Variants in CACNA1E observed in about 807,000 individuals in gnomAD.
The protein encoded by CACNA1E is calcium voltage-gated channel subunit alpha1 E, also known as voltage-dependent R-type calcium channel subunit alpha-1E.
Under a neutral mutation model 259.2 loss-of-function variants are expected in CACNA1E, and 40 were observed. That is an observed-to-expected ratio of 0.15 (90% CI 0.12 to 0.20). The LOEUF is 0.20. CACNA1E is among the 10% of genes least tolerant of loss of function. The pLI, the probability that CACNA1E is intolerant of heterozygous loss-of-function variation, is 1.00. For synonymous variants in CACNA1E, 1,104 were observed against 1,138.5 expected, an observed-to-expected ratio of 0.97 and a Z score of 0.61; for missense variants, 1,874 against 3,040.1, an observed-to-expected ratio of 0.62 and a Z score of 9.02.
intron 3 of CACNA1E, among the ~76,000 whole-genome samples, chr1:181,533,600 A>C (rs1342663590): frequency 4.3e-5 from 6 of 140,890 alleles, no homozygotes; most frequent in Admixed American, 2.9e-4. Context: ...ATTTCATATG[A>C]ATTAGAACTA....
Position 181,539,387 on chromosome 1 carries a change from T to TG in CACNA1E, c.512+27877_512+27878insG, listed in dbSNP as rs1274540644. Reference sequence around the variant, plus strand: ...ACAGATAATGACTGAACAAGCTAATTAATGAATTAATGAATGAATGAATGG... The same window carrying TG: ...ACAGATAATGACTGAACAAGCTAATTGAATGAATTAATGAATGAATGAATGG... On this transcript the variant is annotated intron_variant, in intron 3 of 47. Coordinates refer to ENST00000367573, the MANE Select transcript of CACNA1E (RefSeq NM_001205293.3). 1.2e-4 allele frequency among the ~76,000 whole-genome samples: 18 copies of TG among 151,938 alleles called. No individual in the cohort carries two copies. In the East Asian group the frequency reaches 1.5e-3, roughly 13 times the overall value.
rs962044730 is a variant in CACNA1E at position 181,485,688 on chromosome 1, G to C, written c.266+1678G>C. Among the ~76,000 whole-genome samples the C allele has an allele frequency of 6.6e-6, 1 of 152,236 alleles. No homozygotes were observed. Among genetic ancestry groups the C allele is most frequent in the Non-Finnish European group, 1.5e-5 (1 of 68,038 alleles). ...GCGGACAGATCTCATTGTGTTGTGT[G>C]CTGCGGCTGCAAATATTCCTCTAGG... On this transcript the variant is annotated intron_variant, in intron 1 of 47. Transcript: ENST00000367573. The surrounding 1 kb of genome is among the most constrained non-coding windows in gnomAD (Gnocchi z 4.2).
intron 3 of CACNA1E, among the ~76,000 whole-genome samples, chr1:181,576,241 A>G (rs900103804): frequency 1.3e-5 from 2 of 152,268 alleles, no homozygotes; most frequent in Non-Finnish European, 2.9e-5. Context: ...TAAAGTTGAC[A>G]GGAATCTCTA....
intron 1 of CACNA1E, among the ~76,000 whole-genome samples, chr1:181,384,317 C>T (rs756945302): frequency 4.6e-5 from 7 of 152,186 alleles, no homozygotes; most frequent in East Asian, 1.9e-4. Context: ...TGGATACCAA[C>T]GTGGCTGGAC....
At chr1:181,715,489 G>T in intron 9 of CACNA1E, 98 bp downstream of exon 9, 1 of 711,322 alleles carries the variant, frequency 1.4e-6, no homozygotes, top group East Asian at 2.7e-5. Context: ...ATGAAAGATG[G>T]TGTTCTGGGA....
intron 35 of CACNA1E, among the ~76,000 whole-genome samples, chr1:181,767,380 G>C (rs1659112059): frequency 6.6e-6 from 1 of 152,186 alleles, no homozygotes. Context: ...TCTGGTTGGA[G>C]ACACAGGCTT....
chr1:181,656,230 A>G (rs140165004), intron 7 of CACNA1E, among the ~76,000 whole-genome samples: 1 of 152,316 alleles, frequency 6.6e-6, no homozygotes, highest in African/African-American at 2.4e-5. Flanking sequence ...GGTATTCCAG[A>G]GGAAGGCATT....
Position 181,772,096 on chromosome 1 carries a change from T to A in CACNA1E, c.5004T>A (p.Ile1668=). 2 of 1,613,924 alleles carry A rather than the reference T, an allele frequency of 1.2e-6. No homozygotes were observed. Among genetic ancestry groups the A allele is most frequent in the Non-Finnish European group, 1.7e-6 (2 of 1,179,864 alleles). Residue 1668 remains isoleucine, a synonymous_variant, in exon 37 of 48, where the codon ATT becomes ATA. Coordinates refer to ENST00000367573, the MANE Select transcript of CACNA1E (RefSeq NM_001205293.3). ...RSATGEAWQE[I]MLSCLGEKGC... The stretch of plus-strand genomic sequence containing the variant: ...CCACAGGTGAGGCCTGGCAGGAGAT[T>A]ATGCTGTCATGCCTTGGGGAGAAGG...
At chr1:181,387,172 C>T (rs1655916272) in intron 1 of CACNA1E, among the ~76,000 whole-genome samples, 1 of 151,988 alleles carries the variant, frequency 6.6e-6, no homozygotes, top group African/African-American at 2.4e-5. Flanking sequence ...TTTGCCCAGC[C>T]CTCGGGTGTT....
intron 3 of CACNA1E, among the ~76,000 whole-genome samples, chr1:181,561,574 C>T (rs887091641): frequency 1.3e-5 from 2 of 152,146 alleles, no homozygotes; most frequent in African/African-American, 4.8e-5. Flanking sequence ...TTGCACTTTG[C>T]ATAATGCTTT....
intron 3 of CACNA1E, among the ~76,000 whole-genome samples, chr1:181,515,264 G>A (rs1467272394): frequency 6.6e-6 from 1 of 152,194 alleles, no homozygotes; most frequent in African/African-American, 2.4e-5. Context: ...TGTCCATCCT[G>A]AGACTTCTCT....
chr1:181,742,337 A>C (rs1434311698), intron 25 of CACNA1E, among the ~76,000 whole-genome samples: 1 of 152,232 alleles, frequency 6.6e-6, no homozygotes, highest in Admixed American at 6.5e-5. Flanking sequence ...TCAGGCCAGC[A>C]GAAAGCCAAA....
intron 2 of CACNA1E, among the ~76,000 whole-genome samples, chr1:181,453,518 G>C (rs909984823): frequency 1.3e-5 from 2 of 152,210 alleles, no homozygotes; most frequent in Non-Finnish European, 2.9e-5. Flanking sequence ...CAAGGAGGAG[G>C]CAGGGAGGGG....
chr1:181,329,088 G>C (rs1459362622), intron 1 of CACNA1E, among the ~76,000 whole-genome samples: 1 of 152,018 alleles, frequency 6.6e-6, no homozygotes, highest in Admixed American at 6.6e-5. Context: ...CTTTGTCTTG[G>C]TGAGTGGCGT....
intron 1 of CACNA1E, among the ~76,000 whole-genome samples, chr1:181,365,998 G>C (rs575122049): frequency 2.2e-4 from 33 of 152,272 alleles, no homozygotes; most frequent in African/African-American, 7.2e-4. Context: ...GGGGACCAAA[G>C]GCCTGCCAGA....
At chr1:181,652,847 T>C (rs1284805107) in intron 7 of CACNA1E, among the ~76,000 whole-genome samples, 1 of 152,118 alleles carries the variant, frequency 6.6e-6, no homozygotes, top group Non-Finnish European at 1.5e-5. Flanking sequence ...TACCATCAGA[T>C]ACACCTGAGG....
intron 3 of CACNA1E, among the ~76,000 whole-genome samples, chr1:181,538,317 G>A (rs192740893): frequency 6.6e-6 from 1 of 152,112 alleles, no homozygotes; most frequent in Non-Finnish European, 1.5e-5. Flanking sequence ...TGCTTTAAGG[G>A]AACTTACATT....
At chr1:181,434,425 A>G (rs949567395) in intron 2 of CACNA1E, among the ~76,000 whole-genome samples, 10 of 151,320 alleles carry the variant, frequency 6.6e-5, no homozygotes, top group South Asian at 2.1e-4. Flanking sequence ...TAGAAATTAC[A>G]GGGGTAACCA....
intron 1 of CACNA1E, among the ~76,000 whole-genome samples, chr1:181,370,868 T>C (rs1223583039): frequency 6.6e-6 from 1 of 152,264 alleles, no homozygotes; most frequent in Non-Finnish European, 1.5e-5. Flanking sequence ...CCACTGTGGC[T>C]GAGCTAATTT....
Sources: allele counts gnomAD v4.1 joint callset (sites outside exome capture counted in the v4.1 genomes callset), GRCh38; gene constraint gnomAD v4.1.1; non-coding constraint Gnocchi (gnomAD v3.1); transcripts MANE v1.5; gene names NCBI Gene and HGNC (gene_info 2026-07-23, HGNC 2026-07-21).